The following UBE3D variants were observed in gnomAD, a reference collection of about 807,000 sequenced individuals.
The protein encoded by UBE3D is E3 ubiquitin-protein ligase E3D.
Under a neutral mutation model 49.6 loss-of-function variants are expected in UBE3D, and 48 were observed. The observed-to-expected ratio is 0.97, with a 90% CI of 0.77 to 1.23. UBE3D has a LOEUF of 1.23. Ranked by LOEUF, UBE3D falls within the 50% of genes most tolerant of loss-of-function variation. The pLI is 0.00. For missense variants in UBE3D, 452 were observed against 468.4 expected, an observed-to-expected ratio of 0.96 and a Z score of 0.32; for synonymous variants, 189 against 174.2, an observed-to-expected ratio of 1.08 and a Z score of -0.67.
At chr6:83,050,022 T>C (rs1209046898) in intron 3 of UBE3D, among the ~76,000 whole-genome samples, 1 of 152,166 alleles carries the variant, frequency 6.6e-6, no homozygotes, top group Non-Finnish European at 1.5e-5. Context: ...TGGTAAAATG[T>C]AAATTGGAGA....
intron 9 of UBE3D, among the ~76,000 whole-genome samples, chr6:82,944,693 C>G (rs1562108243): frequency 6.6e-6 from 1 of 152,196 alleles, no homozygotes; most frequent in Non-Finnish European, 1.5e-5. Context: ...GGTTTTTAGA[C>G]AGCATTTCTC....
At chr6:83,018,064 T>C (rs545063029) in intron 8 of UBE3D, 1 of 152,280 alleles carries the variant, frequency 6.6e-6, no homozygotes, top group South Asian at 2.1e-4. Context: ...CTTGTATATA[T>C]CTCTTAGTGT....
At chr6:82,941,404 G>A (rs1370720794) in intron 9 of UBE3D, among the ~76,000 whole-genome samples, 3 of 151,624 alleles carry the variant, frequency 2.0e-5, no homozygotes, top group African/African-American at 7.3e-5. Flanking sequence ...TATAACAGAT[G>A]AGGTCATTTA....
At chr6:83,006,242 A>AC (rs113030743) in intron 8 of UBE3D, among the ~76,000 whole-genome samples, 70 of 151,984 alleles carry the variant, frequency 4.6e-4, no homozygotes, top group Non-Finnish European at 7.8e-4. Context: ...AAACAAACAA[A>AC]AAAAAAAAAG....
intron 8 of UBE3D, among the ~76,000 whole-genome samples, chr6:82,974,247 CTG>C (rs1159459517): frequency 6.6e-6 from 1 of 152,100 alleles, no homozygotes; most frequent in East Asian, 1.9e-4. Context: ...TGTGGAAAAA[CTG>C]TCTTCCACAA....
intron 5 of UBE3D, 28 bp from the exon 6 acceptor site, chr6:83,024,066 C>T (rs4235816): frequency 0.69 from 898,412 of 1,304,484 alleles, 310,692 homozygotes; most frequent in East Asian, 0.8. Context: ...AATTAAGACT[C>T]TCCCCAATAC....
chr6:82,894,363 T>A (rs1210354394), intron 9 of UBE3D, among the ~76,000 whole-genome samples: 2 of 152,068 alleles, frequency 1.3e-5, no homozygotes, highest in East Asian at 3.9e-4. Context: ...CCAAGGAACA[T>A]CCTATGACAT....
At chr6:82,928,693 T>C (rs1409607525) in intron 9 of UBE3D, among the ~76,000 whole-genome samples, 2 of 152,150 alleles carry the variant, frequency 1.3e-5, no homozygotes, top group African/African-American at 4.8e-5. Flanking sequence ...CTCATTATAC[T>C]TCCAATTATT....
At chr6:82,968,287 C>G (rs190312153) in intron 8 of UBE3D, among the ~76,000 whole-genome samples, 1 of 151,888 alleles carries the variant, frequency 6.6e-6, no homozygotes, top group Admixed American at 6.6e-5. Context: ...CATTCTCCCC[C>G]TTTTAACCTC....
intron 9 of UBE3D, among the ~76,000 whole-genome samples, chr6:82,951,986 A>G (rs550983230): frequency 2.0e-5 from 3 of 152,226 alleles, no homozygotes; most frequent in African/African-American, 7.2e-5. Flanking sequence ...TAATCCCATA[A>G]AATGCCCCTA....
intron 9 of UBE3D, among the ~76,000 whole-genome samples, chr6:82,949,005 G>A (rs1775599945): frequency 6.6e-6 from 1 of 152,006 alleles, no homozygotes; most frequent in African/African-American, 2.4e-5. Context: ...CATAGTACTG[G>A]AAGTCCTAGC....
At chr6:82,958,424 C>A (rs7744980) in intron 8 of UBE3D, among the ~76,000 whole-genome samples, 24,224 of 151,830 alleles carry the variant, frequency 0.16, 1,965 homozygotes, top group South Asian at 0.17. Flanking sequence ...TTTGCCACTT[C>A]TATAAACTTC....
At position 83,038,637 on chromosome 6, in the gene UBE3D, T is replaced by C. The variant is rs1176821908; in HGVS notation, c.598-152A>G. ...GAATACATTTAGCTTGTATGCATAA[T>C]TCACATGCACAGAGAAAATTTTTCA... On this transcript the variant is annotated intron_variant, in intron 4 of 9. Coordinates refer to ENST00000369747, the MANE Select transcript of UBE3D (RefSeq NM_198920.3). 5 of 658,506 alleles carry C rather than the reference T, an allele frequency of 7.6e-6. No individual in the cohort carries two copies. The East Asian group carries it at 1.6e-4, about 21-fold the overall frequency. The allele number at this position is 658,506 out of a possible 1,614,324, so 40.8% of individuals were successfully genotyped here. A position where few individuals can be genotyped will look rare whatever the true frequency, so the allele number is the denominator to read the frequency against.
chr6:83,018,919 T>C lies in UBE3D; in HGVS notation c.1010+54A>G, dbSNP rs140397816. The C allele has an allele frequency of 1.8e-4, 291 of 1,596,458 alleles. No homozygotes were observed. The African/African-American group carries it at 3.4e-3, about 19-fold the overall frequency. ...ATTCATTAATTTCTTAACACCAACA[T>C]GACAACAAAAGCTAAAACATAATGT... On this transcript the variant is annotated intron_variant, in intron 8 of 9. Coordinates refer to ENST00000369747, the MANE Select transcript of UBE3D (RefSeq NM_198920.3).
intron 9 of UBE3D, among the ~76,000 whole-genome samples, chr6:82,949,454 A>G (rs1432135772): frequency 1.3e-5 from 2 of 152,104 alleles, no homozygotes; most frequent in Admixed American, 1.3e-4. Context: ...AAAGCAATCT[A>G]CAGATTCAAT....
At chr6:83,010,177 G>A (rs149564747) in intron 8 of UBE3D, among the ~76,000 whole-genome samples, 2,643 of 152,100 alleles carry the variant, frequency 0.017, 45 homozygotes, top group Admixed American at 0.058. Context: ...AAATTTAAAT[G>A]TGTATTAAAA....
chr6:83,042,111 T>C (rs1308307304), intron 4 of UBE3D, among the ~76,000 whole-genome samples: 1 of 152,104 alleles, frequency 6.6e-6, no homozygotes. Context: ...GGTTTCACCA[T>C]GTTGGCCAGG....
At chr6:83,029,144 TA>T (rs1282528560) in intron 5 of UBE3D, among the ~76,000 whole-genome samples, 2 of 152,326 alleles carry the variant, frequency 1.3e-5, no homozygotes, top group East Asian at 3.9e-4. Context: ...TGAAAGCCAA[TA>T]TTTTTAAAAT....
At chr6:83,060,202 C>T (rs1183711028) in intron 1 of UBE3D, among the ~76,000 whole-genome samples, 1 of 152,050 alleles carries the variant, frequency 6.6e-6, no homozygotes, top group Non-Finnish European at 1.5e-5. Flanking sequence ...AGGGTCCAAG[C>T]AGGTGAGGAG....
Sources: allele counts gnomAD v4.1 joint callset (sites outside exome capture counted in the v4.1 genomes callset), GRCh38; gene constraint gnomAD v4.1.1; transcripts MANE v1.5; gene names NCBI Gene and HGNC (gene_info 2026-07-23, HGNC 2026-07-21).